Variants in PTPRT observed in about 807,000 individuals in gnomAD.
The protein encoded by PTPRT is receptor-type tyrosine-protein phosphatase T.
PTPRT carries 56 observed loss-of-function variants against 176.8 expected under a neutral mutation model. The ratio of observed to expected loss-of-function variants is 0.32; its 90% CI spans 0.26 to 0.40. The LOEUF is 0.40. PTPRT is among the 10% of genes least tolerant of loss of function. The pLI is 1.00. For synonymous variants in PTPRT, 783 were observed against 739.0 expected, an observed-to-expected ratio of 1.06 and a Z score of -0.96; for missense variants, 1,540 against 1,908.2, an observed-to-expected ratio of 0.81 and a Z score of 3.60.
At chr20:42,872,548 C>T (rs1408703719) in intron 2 of PTPRT, among the ~76,000 whole-genome samples, 1 of 152,204 alleles carries the variant, frequency 6.6e-6, no homozygotes. Context: ...CCCTGCTTGA[C>T]AGACAGACGA....
At chr20:42,646,867 C>A (rs1208190187) in intron 7 of PTPRT, among the ~76,000 whole-genome samples, 5 of 146,920 alleles carry the variant, frequency 3.4e-5, no homozygotes, top group African/African-American at 1.3e-4. Context: ...TCTAGAGATC[C>A]CAACCTAAGA....
At chr20:42,605,259 G>C (rs1244176080) in intron 7 of PTPRT, among the ~76,000 whole-genome samples, 1 of 152,158 alleles carries the variant, frequency 6.6e-6, no homozygotes, top group South Asian at 2.1e-4. Context: ...CTCAGGCCAG[G>C]ACTGACCCCA....
intron 9 of PTPRT, among the ~76,000 whole-genome samples, chr20:42,419,694 T>A (rs545121768): frequency 6.6e-6 from 1 of 152,236 alleles, no homozygotes; most frequent in East Asian, 1.9e-4. Context: ...TCTGGTTACT[T>A]CCTCCTATAA....
chr20:42,242,143 T>G (rs79694841), intron 14 of PTPRT, among the ~76,000 whole-genome samples: 6,487 of 152,288 alleles, frequency 0.043, 432 homozygotes, highest in African/African-American at 0.15. Flanking sequence ...TGTGGCAATG[T>G]GCTCTCTGAA....
chr20:42,618,347 T>A (rs1233266593), intron 7 of PTPRT, among the ~76,000 whole-genome samples: 37 of 133,292 alleles, frequency 2.8e-4, no homozygotes, highest in African/African-American at 1.0e-3. Flanking sequence ...TGCTGAGGAG[T>A]GCTTTACTTC....
intron 8 of PTPRT, among the ~76,000 whole-genome samples, chr20:42,457,945 C>T (rs1199879300): frequency 6.6e-6 from 1 of 152,162 alleles, no homozygotes; most frequent in Non-Finnish European, 1.5e-5. Flanking sequence ...ATGACCAGGG[C>T]ACTGACCTCT....
At chr20:42,100,870 G>A (rs1186578355) in intron 26 of PTPRT, among the ~76,000 whole-genome samples, 1 of 152,178 alleles carries the variant, frequency 6.6e-6, no homozygotes, top group African/African-American at 2.4e-5. Context: ...CCAGAGCTAG[G>A]GTTTTTACAG....
intron 16 of PTPRT, among the ~76,000 whole-genome samples, chr20:42,163,777 G>A (rs1989709680): frequency 6.6e-6 from 1 of 152,232 alleles, no homozygotes; most frequent in African/African-American, 2.4e-5. Flanking sequence ...GTAACAGATG[G>A]TGCAAGGCAG....
the PTPRT span, among the ~76,000 whole-genome samples, chr20:42,058,370 C>T: frequency 6.6e-6 from 1 of 152,230 alleles, no homozygotes; most frequent in Non-Finnish European, 1.5e-5. Context: ...TTCCTCATCA[C>T]ACCAGTGCAT....
At chr20:42,154,562 T>A (rs1201860882) in intron 17 of PTPRT, among the ~76,000 whole-genome samples, 1 of 152,228 alleles carries the variant, frequency 6.6e-6, no homozygotes, top group East Asian at 1.9e-4. Context: ...CTTTAAATAG[T>A]CTTAATGGAG....
chr20:42,649,964 C>T (rs563906364), intron 7 of PTPRT, among the ~76,000 whole-genome samples: 1 of 152,226 alleles, frequency 6.6e-6, no homozygotes, highest in African/African-American at 2.4e-5. Context: ...ACTGTGGTCC[C>T]CTTATAAAGA....
At chr20:43,186,254 G>A (rs2015387327) in intron 1 of PTPRT, among the ~76,000 whole-genome samples, 1 of 152,222 alleles carries the variant, frequency 6.6e-6, no homozygotes, top group African/African-American at 2.4e-5. Flanking sequence ...AAGAAGCAGA[G>A]GCGGGATTTA....
chr20:42,941,081 C>CAAAAAAAAA (rs540543601), intron 1 of PTPRT, among the ~76,000 whole-genome samples: 1 of 148,080 alleles, frequency 6.8e-6, no homozygotes, highest in African/African-American at 2.5e-5. Context: ...GACTCCATCT[C>CAAAAAAAAA]AAAAAAAAAT....
chr20:42,282,538 A>C lies in PTPRT; in HGVS notation c.2140-13T>G. On this transcript the variant is annotated splice_polypyrimidine_tract_variant and intron_variant, in intron 12 of 30. Transcript: ENST00000373187. ...TGATTTTGGTCTCCTGTGAACAACA[A>C]AAATGAGATGCCAATTAATTAGCTG... The C allele has an allele frequency of 6.2e-7, 1 of 1,602,760 alleles. No individual in the cohort carries two copies. Among genetic ancestry groups the C allele is most frequent in the Non-Finnish European group, 8.5e-7 (1 of 1,173,180 alleles).
intron 17 of PTPRT, among the ~76,000 whole-genome samples, chr20:42,145,548 G>GATAGATA (rs1409006738): frequency 1.0e-5 from 1 of 96,260 alleles, no homozygotes; most frequent in African/African-American, 4.1e-5. Context: ...ATAGATAGAT[G>GATAGATA]GATGTTGGGC....
chr20:42,275,082 C>A (rs73909255), intron 13 of PTPRT, among the ~76,000 whole-genome samples: 5 of 152,292 alleles, frequency 3.3e-5, no homozygotes, highest in South Asian at 2.1e-4. Flanking sequence ...ATAACGATGA[C>A]CACTATTTAT....
At chr20:42,320,229 A>C (rs2057780966) in intron 11 of PTPRT, among the ~76,000 whole-genome samples, 2 of 151,998 alleles carry the variant, frequency 1.3e-5, no homozygotes, top group South Asian at 2.1e-4. Flanking sequence ...CAAGGCAAAA[A>C]CCCTCAGAAC....
chr20:43,059,750 G>A (rs7273486), intron 1 of PTPRT, among the ~76,000 whole-genome samples: 14,211 of 152,174 alleles, frequency 0.093, 749 homozygotes, highest in Middle Eastern at 0.14. Context: ...AGACTGAGGT[G>A]GGCAGATCAA....
intron 7 of PTPRT, among the ~76,000 whole-genome samples, chr20:42,552,721 A>G (rs2072790818): frequency 6.6e-6 from 1 of 152,178 alleles, no homozygotes; most frequent in African/African-American, 2.4e-5. Flanking sequence ...CTGTTAATAC[A>G]TAAACTGTTC....
Sources: allele counts gnomAD v4.1 joint callset (sites outside exome capture counted in the v4.1 genomes callset), GRCh38; gene constraint gnomAD v4.1.1; transcripts MANE v1.5; gene names NCBI Gene and HGNC (gene_info 2026-07-23, HGNC 2026-07-21).